PDE4D: variants seen among roughly 807,000 people sequenced by gnomAD.
The protein encoded by PDE4D is 3',5'-cyclic-AMP phosphodiesterase 4D.
Under a neutral mutation model 87.4 loss-of-function variants are expected in PDE4D, and 24 were observed. That is an observed-to-expected ratio of 0.27 (90% CI 0.20 to 0.39). The LOEUF is 0.39. PDE4D is among the 10% of genes least tolerant of loss of function. The probability of loss-of-function intolerance (pLI) is 1.00; values close to 1 mark genes in which losing one functional copy is unlikely to be tolerated. For missense variants in PDE4D, 714 were observed against 1,041.0 expected (o/e 0.69, Z 4.32); for synonymous variants, 384 against 383.2 (o/e 1.00, Z -0.02).
At chr5:59,185,529 T>A (rs1742701520) in intron 3 of PDE4D, among the ~76,000 whole-genome samples, 1 of 152,128 alleles carries the variant, frequency 6.6e-6, no homozygotes, top group Non-Finnish European at 1.5e-5. Context: ...GGTTCCTTAG[T>A]CACCAAGACA....
At chr5:59,675,623 T>C (rs1747938009) in intron 1 of PDE4D, among the ~76,000 whole-genome samples, 1 of 152,180 alleles carries the variant, frequency 6.6e-6, no homozygotes, top group South Asian at 2.1e-4. Context: ...AAAGTTCTAA[T>C]TTTGGCACAT....
chr5:59,597,146 T>G (rs1041046564), intron 1 of PDE4D, among the ~76,000 whole-genome samples: 9 of 152,164 alleles, frequency 5.9e-5, no homozygotes, highest in Non-Finnish European at 1.0e-4. Flanking sequence ...GTCAGCTTCT[T>G]TTTTTGCAAT....
At chr5:59,685,420 T>C (rs747271344) in intron 1 of PDE4D, among the ~76,000 whole-genome samples, 7 of 152,182 alleles carry the variant, frequency 4.6e-5, no homozygotes, top group Non-Finnish European at 1.0e-4. Context: ...TTCTACAATA[T>C]TATGCACACA....
intron 1 of PDE4D, among the ~76,000 whole-genome samples, chr5:60,368,943 G>T (rs1425327028): frequency 6.6e-6 from 1 of 152,046 alleles, no homozygotes; most frequent in African/African-American, 2.4e-5. Context: ...CCCTGTCTCA[G>T]GTATGTCTTT....
chr5:59,427,976 A>G (rs776534357), intron 1 of PDE4D, among the ~76,000 whole-genome samples: 1 of 152,236 alleles, frequency 6.6e-6, no homozygotes, highest in Non-Finnish European at 1.5e-5. Flanking sequence ...AATCGCAAAT[A>G]TAGAAAGTAA....
chr5:59,198,048 TCA>T (rs1745854598), intron 2 of PDE4D, among the ~76,000 whole-genome samples: 1 of 152,196 alleles, frequency 6.6e-6, no homozygotes, highest in Admixed American at 6.5e-5. Context: ...AGATTCAAAG[TCA>T]CACAGTGAAT....
chr5:60,149,674 T>C (rs1781321390), intron 2 of PDE4D, among the ~76,000 whole-genome samples: 1 of 151,898 alleles, frequency 6.6e-6, no homozygotes, highest in African/African-American at 2.4e-5. Flanking sequence ...TATGTTCTGG[T>C]ATCATTTAAT....
intron 5 of PDE4D, among the ~76,000 whole-genome samples, chr5:59,085,700 T>C (rs1767548220): frequency 6.6e-6 from 1 of 152,164 alleles, no homozygotes; most frequent in East Asian, 1.9e-4. Flanking sequence ...AAGTTTACAA[T>C]CTTTCTTGGG....
chr5:60,334,797 A>T (rs908199325), intron 1 of PDE4D, among the ~76,000 whole-genome samples: 1 of 152,138 alleles, frequency 6.6e-6, no homozygotes, highest in Non-Finnish European at 1.5e-5. Context: ...AGACTCCCCA[A>T]ATAAGTATAA....
intron 1 of PDE4D, among the ~76,000 whole-genome samples, chr5:59,452,436 C>T (rs571512944): frequency 1.3e-5 from 2 of 152,158 alleles, no homozygotes; most frequent in East Asian, 3.9e-4. Context: ...TGTGAGGCAA[C>T]TTAGGGGTTA....
At chr5:59,589,090 GC>G (rs1261590226) in intron 1 of PDE4D, among the ~76,000 whole-genome samples, 10 of 152,232 alleles carry the variant, frequency 6.6e-5, no homozygotes, top group South Asian at 4.1e-4. Context: ...ACTGTTACTA[GC>G]CCTGTTCTCC....
chr5:59,529,663 C>T (rs1413176750), intron 1 of PDE4D, among the ~76,000 whole-genome samples: 2 of 152,076 alleles, frequency 1.3e-5, no homozygotes, highest in African/African-American at 4.8e-5. Flanking sequence ...CCTCTTCATC[C>T]CTCAACTATT....
At position 59,607,778 on chromosome 5, in the gene PDE4D, G is replaced by C. The variant is rs545676863; in HGVS notation, c.455+285390C>G. Among the ~76,000 whole-genome samples the C allele has an allele frequency of 3.3e-5, 5 of 152,114 alleles. No homozygotes were observed. The South Asian group carries it at 1.0e-3, about 32-fold the overall frequency. ...CGGAAACAATAAAGGAAGGAAGAAG[G>C]AATGAAAAGGAAGCAAGCTATCCAT... On this transcript the variant is annotated intron_variant, in intron 1 of 14. Coordinates refer to ENST00000340635, the MANE Select transcript of PDE4D (RefSeq NM_001104631.2).
Position 58,975,304 on chromosome 5 carries a change from CT to C in PDE4D, c.2014-225del, listed in dbSNP as rs33949395. 0.16 allele frequency among the ~76,000 whole-genome samples: 24,446 copies of C among 152,066 alleles called. 2,088 individuals are homozygous for C. The highest frequency in any genetic ancestry group is 0.19 in the Admixed American group (2,897 of 15,280). ...AGAACCTTTGGTTAAAGAGCATGTT[CT>C]ATAGCATAAAAAATTTTCCAGTTGT... On this transcript the variant is annotated intron_variant, in intron 14 of 14. Coordinates refer to ENST00000340635, the MANE Select transcript of PDE4D (RefSeq NM_001104631.2). The surrounding 1 kb of genome is among the most constrained non-coding windows in gnomAD (Gnocchi z 4.2).
chr5:60,080,463 T>C (rs780919939), intron 2 of PDE4D, among the ~76,000 whole-genome samples: 4 of 152,180 alleles, frequency 2.6e-5, no homozygotes, highest in Non-Finnish European at 5.9e-5. Flanking sequence ...TGTACCAGTT[T>C]TCAAATGGAA....
At chr5:60,402,014 A>G (rs1361400485) in intron 1 of PDE4D, among the ~76,000 whole-genome samples, 1 of 152,196 alleles carries the variant, frequency 6.6e-6, no homozygotes, top group Non-Finnish European at 1.5e-5. Flanking sequence ...ATCAACCAAG[A>G]GTAAAGAGAA....
chr5:60,047,237 G>A (rs1196674521), intron 2 of PDE4D, among the ~76,000 whole-genome samples: 42 of 152,028 alleles, frequency 2.8e-4, no homozygotes, highest in East Asian at 1.9e-3. Context: ...TTTTTATTGC[G>A]TCTATTTGAT....
rs142137483 is a variant in PDE4D, at chr5:59,395,011, G to A, written c.456-179043C>T. 8.7e-3 allele frequency among the ~76,000 whole-genome samples: 1,323 copies of A among 152,314 alleles called. 24 individuals carry two copies. Among genetic ancestry groups the A allele is most frequent in the African/African-American group, 0.03 (1,266 of 41,562 alleles). On this transcript the variant is annotated intron_variant, in intron 1 of 14. Transcript: ENST00000340635. ...ATCGGGTCACTCCCACCCGAATACT[G>A]CGCTTTTCCGACGGGCTTAAAAAAC...
chr5:59,614,004 T>G (rs1266311819), intron 1 of PDE4D, among the ~76,000 whole-genome samples: 1 of 152,182 alleles, frequency 6.6e-6, no homozygotes, highest in Non-Finnish European at 1.5e-5. Flanking sequence ...CAAAAAAATT[T>G]TTCTATAACT....
Sources: allele counts gnomAD v4.1 joint callset (sites outside exome capture counted in the v4.1 genomes callset), GRCh38; gene constraint gnomAD v4.1.1; non-coding constraint Gnocchi (gnomAD v3.1); transcripts MANE v1.5; gene names NCBI Gene and HGNC (gene_info 2026-07-23, HGNC 2026-07-21).